The following TAFA5 variants were observed in gnomAD, a reference collection of about 807,000 sequenced individuals.
TAFA5 encodes chemokine-like protein TAFA-5.
A neutral mutation model predicts 15.3 loss-of-function variants in TAFA5; 6 were observed. That is an observed-to-expected ratio of 0.39 (90% CI 0.21 to 0.77). The LOEUF (loss-of-function observed/expected upper bound fraction) is 0.77. Ranked by LOEUF, TAFA5 falls within the 30% of genes least tolerant of loss-of-function variation. The probability of loss-of-function intolerance (pLI) is 0.41; values close to 1 mark genes in which losing one functional copy is unlikely to be tolerated. For synonymous variants in TAFA5, 103 were observed against 80.7 expected, an observed-to-expected ratio of 1.28 and a Z score of -1.48; for missense variants, 161 against 193.1, an observed-to-expected ratio of 0.83 and a Z score of 0.98.
chr22:48,694,842 C>T (rs1928660233), intron 2 of TAFA5, among the ~76,000 whole-genome samples: 1 of 131,168 alleles, frequency 7.6e-6, no homozygotes, highest in Non-Finnish European at 1.6e-5. Context: ...CCGCCCCCAC[C>T]CCCCGCCGCT....
intron 1 of TAFA5, chr22:48,544,801 G>T: frequency 2.1e-6 from 1 of 471,252 alleles, no homozygotes. Context: ...TCTAGGCGAG[G>T]CCTGCAAACA....
intron 1 of TAFA5, among the ~76,000 whole-genome samples, chr22:48,608,984 G>T (rs2147171920): frequency 6.6e-6 from 1 of 152,362 alleles, no homozygotes; most frequent in Middle Eastern, 3.4e-3. Flanking sequence ...AGTGGCGTGG[G>T]CAGGTGCTTA....
intron 1 of TAFA5, among the ~76,000 whole-genome samples, chr22:48,613,301 C>T (rs994346464): frequency 2.6e-5 from 4 of 152,144 alleles, no homozygotes; most frequent in Non-Finnish European, 4.4e-5. Flanking sequence ...CTGAGCCGTC[C>T]CTAGCACAGG....
intron 3 of TAFA5, among the ~76,000 whole-genome samples, chr22:48,721,384 C>T (rs1221585980): frequency 6.6e-6 from 1 of 152,222 alleles, no homozygotes; most frequent in Non-Finnish European, 1.5e-5. Context: ...CTCCGTGCTG[C>T]TGTTTCAAGC....
chr22:48,571,574 GTTTTTTTTTTTTTTT>G (rs57578802), intron 1 of TAFA5, among the ~76,000 whole-genome samples: 13 of 29,234 alleles, frequency 4.4e-4, no homozygotes, highest in Non-Finnish European at 6.6e-4. Flanking sequence ...TGCCTGGCCT[GTTTTTTTTTTTTTTT>G]TTTTTTTTTT....
At chr22:48,636,272 C>A (rs1926442557) in intron 1 of TAFA5, among the ~76,000 whole-genome samples, 1 of 152,236 alleles carries the variant, frequency 6.6e-6, no homozygotes, top group African/African-American at 2.4e-5. Context: ...GGGCCCGACG[C>A]TGGCTGTTCC....
At chr22:48,494,312 T>C (rs1388790130) in intron 1 of TAFA5, among the ~76,000 whole-genome samples, 1 of 152,232 alleles carries the variant, frequency 6.6e-6, no homozygotes, top group East Asian at 1.9e-4. Flanking sequence ...GGGCTCCTTT[T>C]TGCATTAAAA....
intron 3 of TAFA5, among the ~76,000 whole-genome samples, chr22:48,710,904 G>T (rs1205912069): frequency 1.3e-5 from 2 of 152,136 alleles, no homozygotes; most frequent in African/African-American, 4.8e-5. Flanking sequence ...AGTGACTGCT[G>T]GTGGCCAGGT....
intron 3 of TAFA5, among the ~76,000 whole-genome samples, chr22:48,713,312 G>A (rs973952919): frequency 5.3e-5 from 8 of 152,322 alleles, no homozygotes; most frequent in African/African-American, 1.4e-4. Context: ...GTGGGGGCTC[G>A]GATGTCTAAA....
chr22:48,706,099 G>A (rs192580368), intron 2 of TAFA5, among the ~76,000 whole-genome samples: 2 of 152,360 alleles, frequency 1.3e-5, no homozygotes, highest in Admixed American at 1.3e-4. Context: ...TGTCTGTGCA[G>A]CCTGGGCCTG....
Position 48,489,834 on chromosome 22 carries a change from C to A in TAFA5, c.112+130C>A. 2.1e-6 allele frequency: 1 copy of A among 485,150 alleles called. No individual in the cohort carries two copies. The highest frequency in any genetic ancestry group is 5.2e-5 in the South Asian group (1 of 19,090). 30.1% of individuals were successfully genotyped at this position (485,150 alleles called of 1,614,324 possible). Reference sequence around the variant, plus strand: ...TACGAGCGCCGGGCGCATGGTCCCCCGAGTCCCGGCCGGTCCAACGCTGCG... The same window carrying A: ...TACGAGCGCCGGGCGCATGGTCCCCAGAGTCCCGGCCGGTCCAACGCTGCG... On this transcript the variant is annotated intron_variant, in intron 1 of 3. Transcript: ENST00000402357. This position sits in a 1 kb window ranked among gnomAD's most constrained non-coding sequence, Gnocchi z 5.5.
Position 48,635,716 on chromosome 22 carries a change from G to A in TAFA5, c.113-10881G>A, listed in dbSNP as rs567610836. ...CTGCAGGTGCAGCCTGGGGACCTGC[G>A]AGAGAAGGAAGGGGTTTCTGGGGGT... On this transcript the variant is annotated intron_variant, in intron 1 of 3. Transcript: ENST00000402357. 2.4e-4 allele frequency among the ~76,000 whole-genome samples: 37 copies of A among 152,244 alleles called. No individual in the cohort carries two copies. In the South Asian group the frequency reaches 7.5e-3, roughly 31 times the overall value.
intron 3 of TAFA5, among the ~76,000 whole-genome samples, chr22:48,718,203 C>T (rs979106033): frequency 1.6e-4 from 25 of 152,302 alleles, no homozygotes; most frequent in African/African-American, 4.8e-4. Flanking sequence ...CGTCCTCACC[C>T]GGCCTCTCCC....
intron 3 of TAFA5, among the ~76,000 whole-genome samples, chr22:48,724,919 A>T (rs904010926): frequency 6.6e-6 from 1 of 152,218 alleles, no homozygotes; most frequent in Admixed American, 6.5e-5. Flanking sequence ...AGTTTCACAG[A>T]AGAGGCACAG....
chr22:48,748,132 G>T (rs6010521), intron 3 of TAFA5, among the ~76,000 whole-genome samples: 1 of 152,186 alleles, frequency 6.6e-6, no homozygotes, highest in African/African-American at 2.4e-5. Context: ...TGATGGAAAG[G>T]CTTGTGTGGG....
chr22:48,599,806 G>A (rs34297405), intron 1 of TAFA5, among the ~76,000 whole-genome samples: 20,496 of 152,248 alleles, frequency 0.13, 1,719 homozygotes, highest in East Asian at 0.23. Context: ...GGCACCCTGT[G>A]CTATGTGGGG....
intron 2 of TAFA5, among the ~76,000 whole-genome samples, chr22:48,703,061 A>G (rs1396370997): frequency 6.6e-6 from 1 of 152,090 alleles, no homozygotes; most frequent in African/African-American, 2.4e-5. Flanking sequence ...GTGTGTGTGC[A>G]TGCATGTGTG....
chr22:48,673,081 T>C (rs1001959083), intron 2 of TAFA5, among the ~76,000 whole-genome samples: 2 of 152,178 alleles, frequency 1.3e-5, no homozygotes, highest in African/African-American at 4.8e-5. Flanking sequence ...TTCTTTTACA[T>C]ACTTGTCTCC....
intron 3 of TAFA5, among the ~76,000 whole-genome samples, chr22:48,720,593 G>A (rs902067350): frequency 1.3e-5 from 2 of 152,126 alleles, no homozygotes; most frequent in African/African-American, 4.8e-5. Context: ...GGGGTCCTGG[G>A]GACCATCCTC....
Sources: gnomAD v4.1 joint callset for allele counts (sites outside exome capture counted in the v4.1 genomes callset) on GRCh38, gnomAD v4.1.1 for gene constraint, Gnocchi (gnomAD v3.1) non-coding constraint, MANE v1.5 for transcripts, NCBI Gene and HGNC (gene_info 2026-07-23, HGNC 2026-07-21) for gene names.